The following CACNA1B variants were observed in gnomAD, a reference collection of about 807,000 sequenced individuals.
The protein encoded by CACNA1B is calcium voltage-gated channel subunit alpha1 B.
CACNA1B carries 70 observed loss-of-function variants against 247.2 expected under a neutral mutation model. The ratio of observed to expected loss-of-function variants is 0.28; its 90% CI spans 0.23 to 0.35. The LOEUF (loss-of-function observed/expected upper bound fraction) is 0.35, where lower values mean the gene tolerates loss of function less well. Among genes scored for constraint, CACNA1B ranks in the 10% least tolerant of loss-of-function variants. The pLI is 1.00. For missense variants in CACNA1B, 2,367 were observed against 3,197.4 expected, an observed-to-expected ratio of 0.74 and a Z score of 6.26; for synonymous variants, 1,231 against 1,294.4, an observed-to-expected ratio of 0.95 and a Z score of 1.05.
intron 35 of CACNA1B, among the ~76,000 whole-genome samples, chr9:138,076,864 G>A (rs1021656095): frequency 5.9e-5 from 9 of 152,220 alleles, no homozygotes; most frequent in Non-Finnish European, 8.8e-5. Context: ...CTGCTTTGCT[G>A]AGCTGCCTGG....
intron 6 of CACNA1B, among the ~76,000 whole-genome samples, chr9:137,932,327 A>G (rs6559257): frequency 0.42 from 64,373 of 151,996 alleles, 16,990 homozygotes; most frequent in African/African-American, 0.74. Flanking sequence ...GGTATAGTGA[A>G]GAATTGGTTG....
chr9:137,879,182 G>C (rs1281286292), intron 2 of CACNA1B, 23 bp downstream of exon 2: 2 of 1,515,424 alleles, frequency 1.3e-6, no homozygotes, highest in Admixed American at 1.7e-5. Flanking sequence ...CTGGGCCTGA[G>C]GGCAGGGTGG....
chr9:138,061,015 A>G (rs1959702630), intron 31 of CACNA1B, among the ~76,000 whole-genome samples: 1 of 152,174 alleles, frequency 6.6e-6, no homozygotes, highest in Non-Finnish European at 1.5e-5. Context: ...TGCGCATCCC[A>G]AGTCCCTACT....
chr9:137,984,359 C>T, intron 13 of CACNA1B, 109 bp downstream of exon 13: 1 of 775,042 alleles, frequency 1.3e-6, no homozygotes, highest in Non-Finnish European at 2.2e-6. Context: ...GAAGCTCTCT[C>T]TGTGGCTTAT....
chr9:138,026,871 A>G (rs1358522344), intron 20 of CACNA1B, among the ~76,000 whole-genome samples: 11 of 152,186 alleles, frequency 7.2e-5, no homozygotes, highest in Admixed American at 6.5e-4. Context: ...GGACTGTACC[A>G]TTTTGCATTC....
chr9:138,069,378 ATAAG>A (rs982130401), intron 31 of CACNA1B, among the ~76,000 whole-genome samples: 4 of 152,344 alleles, frequency 2.6e-5, no homozygotes, highest in South Asian at 4.1e-4. Flanking sequence ...AAATAAATAA[ATAAG>A]TGTCTGTGAG....
At chr9:137,975,185 C>T (rs1016386824) in intron 11 of CACNA1B, among the ~76,000 whole-genome samples, 4 of 152,126 alleles carry the variant, frequency 2.6e-5, no homozygotes, top group African/African-American at 4.8e-5. Flanking sequence ...TACTGAGGCC[C>T]GGAAGGGTCA....
chr9:138,031,434 A>G (rs1958986926), intron 20 of CACNA1B, among the ~76,000 whole-genome samples: 1 of 152,094 alleles, frequency 6.6e-6, no homozygotes, highest in Non-Finnish European at 1.5e-5. Context: ...AGGATGTGGG[A>G]TATCTTGATG....
At position 137,990,156 on chromosome 9, in the gene CACNA1B, C is replaced by T. The variant is rs1056766703; in HGVS notation, c.1974+3302C>T. Among the ~76,000 whole-genome samples, 48 of 152,238 alleles carry T rather than the reference C, an allele frequency of 3.2e-4. No homozygotes were observed. The highest frequency in any genetic ancestry group is 1.1e-3 in the African/African-American group (44 of 41,540). On this transcript the variant is annotated intron_variant, in intron 15 of 46. Coordinates refer to ENST00000371372, the MANE Select transcript of CACNA1B (RefSeq NM_000718.4). This position sits in a 1 kb window ranked among gnomAD's most constrained non-coding sequence, Gnocchi z 4.5. ...GACCAGCCTTTTGGACTGCGGGCTG[C>T]GTGGGAGTGGGGTGAGGCCTGTGAC...
intron 8 of CACNA1B, among the ~76,000 whole-genome samples, chr9:137,956,257 G>A (rs1205787614): frequency 6.6e-6 from 1 of 152,210 alleles, no homozygotes; most frequent in East Asian, 1.9e-4. Flanking sequence ...AGCGACGTGT[G>A]GGTAGGGACG....
At chr9:137,890,717 A>G (rs1252858252) in intron 3 of CACNA1B, 5 of 149,792 alleles carry the variant, frequency 3.3e-5, no homozygotes, top group African/African-American at 7.3e-5. Flanking sequence ...CAGGGGTCCC[A>G]CCAGGAGGGT....
At position 137,882,770 on chromosome 9, in the gene CACNA1B, G is replaced by T. The variant is rs552274813; in HGVS notation, c.417G>T (p.Gly139=). 1 of 1,613,984 alleles carries T rather than the reference G, an allele frequency of 6.2e-7. No homozygotes were observed. Among genetic ancestry groups the T allele is most frequent in the Non-Finnish European group, 8.5e-7 (1 of 1,179,850 alleles). ...ACGACACGGAGCCCTATTTCATCGGGATCTTTTGCTTCGAGGCAGGGATCA... is the reference window on the plus strand; with the variant it reads ...ACGACACGGAGCCCTATTTCATCGGTATCTTTTGCTTCGAGGCAGGGATCA... ...RLDDTEPYFI[G]IFCFEAGIKI... The change falls in exon 3 of 47, where the codon GGG becomes GGT. Residue 139 remains glycine, a synonymous_variant. Transcript: ENST00000371372. The surrounding 1 kb of genome is among the most constrained non-coding windows in gnomAD (Gnocchi z 4.0).
chr9:137,998,975 A>G (rs571824761), intron 15 of CACNA1B, among the ~76,000 whole-genome samples: 3 of 152,182 alleles, frequency 2.0e-5, no homozygotes, highest in Non-Finnish European at 2.9e-5. Context: ...GCAGACTTTG[A>G]CCATTTATTA....
chr9:138,057,448 C>G lies in CACNA1B; in HGVS notation c.3969-284C>G, dbSNP rs895624507. Among the ~76,000 whole-genome samples the G allele has an allele frequency of 2.6e-5, 4 of 152,154 alleles. No homozygotes were observed. Among genetic ancestry groups the G allele is most frequent in the African/African-American group, 9.7e-5 (4 of 41,418 alleles). ...TGATTTTGGTGTCACATCTAAGGCT[C>G]CATTCCCAGATTCGAGGTCACGAAG... On this transcript the variant is annotated intron_variant, in intron 26 of 46. Transcript: ENST00000371372. This position sits in a 1 kb window ranked among gnomAD's most constrained non-coding sequence, Gnocchi z 4.0.
In CACNA1B at chr9:138,120,641, T is replaced by G; in HGVS notation, c.6249T>G (p.Ser2083Arg). 6.7e-7 allele frequency: 1 copy of G among 1,502,312 alleles called. No individual in the cohort carries two copies. The highest frequency in any genetic ancestry group is 8.8e-7 in the Non-Finnish European group (1 of 1,131,614). The allele number at this position is 1,502,312 out of a possible 1,614,324, so 93.1% of individuals were successfully genotyped here. Residue 2083 changes from serine to arginine, a missense_variant, in exon 46 of 47, where the codon AGT becomes AGG. Physicochemically the swap from Ser to Arg is moderately radical, Grantham distance 110 (BLOSUM62 -1). Transcript: ENST00000371372. Reference sequence around the variant, plus strand: ...CTCTTCCCTGGCCAGCACCAAGCAGTGCTGTGGGGCCGGGGCTGCCCCCGG... The same window carrying G: ...CTCTTCCCTGGCCAGCACCAAGCAGGGCTGTGGGGCCGGGGCTGCCCCCGG... ...LSADMDGAPS[S>R]AVGPGLPPGE...
Position 137,954,634 on chromosome 9 carries a change from G to C in CACNA1B, c.1071-1064G>C, listed in dbSNP as rs1957922656. Among the ~76,000 whole-genome samples the C allele has an allele frequency of 1.3e-5, 2 of 152,180 alleles. No individual in the cohort carries two copies. The highest frequency in any genetic ancestry group is 4.8e-5 in the African/African-American group (2 of 41,442). ...TTGGTCTGGGTGGGGAGGCCACAGTGGACCCTGCCTTCCTGTAGATTTGGG... is the reference window on the plus strand; with the variant it reads ...TTGGTCTGGGTGGGGAGGCCACAGTCGACCCTGCCTTCCTGTAGATTTGGG... On this transcript the variant is annotated intron_variant, in intron 7 of 46. Transcript: ENST00000371372. This position sits in a 1 kb window ranked among gnomAD's most constrained non-coding sequence, Gnocchi z 4.1.
At position 138,121,451 on chromosome 9, in the gene CACNA1B, T is replaced by C. The variant is rs1322949125; in HGVS notation, c.6490-18T>C. On this transcript the variant is annotated intron_variant, in intron 46 of 46. Coordinates refer to ENST00000371372, the MANE Select transcript of CACNA1B (RefSeq NM_000718.4). This position sits in a 1 kb window ranked among gnomAD's most constrained non-coding sequence, Gnocchi z 6.8. Reference sequence around the variant, plus strand: ...TTTTTTTTTTACCTCTGATTTGTTCTGGTCCATTTTCATGTAGGGCAGTGG... The same window carrying C: ...TTTTTTTTTTACCTCTGATTTGTTCCGGTCCATTTTCATGTAGGGCAGTGG... 7.1e-7 allele frequency: 1 copy of C among 1,399,118 alleles called. No individual in the cohort carries two copies. Among genetic ancestry groups the C allele is most frequent in the African/African-American group, 1.4e-5 (1 of 69,202 alleles). 86.7% of individuals were successfully genotyped at this position (1,399,118 alleles called of 1,614,324 possible). A position where few individuals can be genotyped will look rare whatever the true frequency, so the allele number is the denominator to read the frequency against.
Position 138,062,831 on chromosome 9 carries a change from G to A in CACNA1B, c.4668+3094G>A, listed in dbSNP as rs1959777177. Among the ~76,000 whole-genome samples, 9 of 152,232 alleles carry A rather than the reference G, an allele frequency of 5.9e-5. 1 individual carries two copies. Among genetic ancestry groups the A allele is most frequent in the Admixed American group, 5.9e-4 (9 of 15,290 alleles). On this transcript the variant is annotated intron_variant, in intron 31 of 46. Coordinates refer to ENST00000371372, the MANE Select transcript of CACNA1B (RefSeq NM_000718.4). ...CCTGGGTCTGTTGGAGACCTCACTT[G>A]TGCTCTGAAACCTCTCAAGCATGGC...
chr9:137,904,168 C>G (rs1957270768), intron 3 of CACNA1B, among the ~76,000 whole-genome samples: 1 of 152,102 alleles, frequency 6.6e-6, no homozygotes, highest in South Asian at 2.1e-4. Flanking sequence ...GGAAGCTTTT[C>G]AAGCTGATGC....
Sources: allele counts gnomAD v4.1 joint callset (sites outside exome capture counted in the v4.1 genomes callset), GRCh38; gene constraint gnomAD v4.1.1; non-coding constraint Gnocchi (gnomAD v3.1); transcripts MANE v1.5; gene names NCBI Gene and HGNC (gene_info 2026-07-23, HGNC 2026-07-21).